Variants in COXFA4 observed in about 807,000 individuals in gnomAD.
The protein encoded by COXFA4 is cytochrome c oxidase associated subunit FA4, also known as cytochrome c oxidase subunit FA4.
chr7:10,938,769 G>T, the COXFA4 span: 4 of 1,500,220 alleles, frequency 2.7e-6, no homozygotes, highest in South Asian at 4.5e-5. Context: ...AAACTGCCTT[G>T]ATCAGCTATC....
At chr7:10,936,026 C>A in the COXFA4 span, among the ~76,000 whole-genome samples, 1 of 152,132 alleles carries the variant, frequency 6.6e-6, no homozygotes, top group Admixed American at 6.5e-5. Context: ...TCATAATTTC[C>A]CACAGCAAGT....
At chr7:10,936,923 C>T in the COXFA4 span, among the ~76,000 whole-genome samples, 1 of 152,078 alleles carries the variant, frequency 6.6e-6, no homozygotes, top group East Asian at 1.9e-4. Flanking sequence ...ATAGTTCCAG[C>T]TACTCAGGAG....
At chr7:10,932,164 C>T in the COXFA4 span, 3 of 149,268 alleles carry the variant, frequency 2.0e-5, no homozygotes, top group South Asian at 2.1e-4. Flanking sequence ...GGAAAGAGTG[C>T]TTTTTGTCTG....
At chr7:10,933,445 A>T in the COXFA4 span, 2 of 557,862 alleles carry the variant, frequency 3.6e-6, no homozygotes, top group African/African-American at 3.8e-5. Flanking sequence ...AGCATAAAAA[A>T]GTGACACATA....
At chr7:10,934,807 T>C in the COXFA4 span, among the ~76,000 whole-genome samples, 5 of 152,218 alleles carry the variant, frequency 3.3e-5, no homozygotes, top group Non-Finnish European at 5.9e-5. Context: ...CAGACTTTTA[T>C]GGACAGAAAA....
the COXFA4 span, among the ~76,000 whole-genome samples, chr7:10,934,179 T>G: frequency 6.6e-6 from 1 of 152,100 alleles, no homozygotes; most frequent in Non-Finnish European, 1.5e-5. Flanking sequence ...CTGCTTTGTT[T>G]TGTGGTTTAC....
chr7:10,937,879 T>C, the COXFA4 span: 1 of 575,322 alleles, frequency 1.7e-6, no homozygotes, highest in Non-Finnish European at 3.1e-6. Flanking sequence ...ATACTATTTT[T>C]CCTTCTTTTC....
the COXFA4 span, chr7:10,932,220 G>A: frequency 6.6e-6 from 1 of 152,110 alleles, no homozygotes. Flanking sequence ...AAAGCGCATG[G>A]GATGGTCTGC....
the COXFA4 span, chr7:10,938,571 A>G: frequency 6.4e-6 from 3 of 471,258 alleles, no homozygotes; most frequent in East Asian, 7.2e-5. Context: ...TCAAAACATT[A>G]CAAGATTTGG....
the COXFA4 span, chr7:10,932,574 G>A: frequency 6.6e-6 from 1 of 152,158 alleles, no homozygotes; most frequent in Non-Finnish European, 1.5e-5. Context: ...TAATGTCACT[G>A]AATTCCTCAA....
At chr7:10,936,387 C>T in the COXFA4 span, among the ~76,000 whole-genome samples, 1 of 152,196 alleles carries the variant, frequency 6.6e-6, no homozygotes, top group Non-Finnish European at 1.5e-5. Context: ...ATCTGTTACA[C>T]TTTTTGAACT....
At chr7:10,939,975 A>AAAG in the COXFA4 span, 3 of 1,611,614 alleles carry the variant, frequency 1.9e-6, no homozygotes, top group Non-Finnish European at 2.5e-6. Context: ...CCGACGCAAG[A>AAAG]AGGACAAGGG....
the COXFA4 span, chr7:10,932,738 G>A: frequency 6.6e-6 from 1 of 152,170 alleles, no homozygotes; most frequent in Non-Finnish European, 1.5e-5. Flanking sequence ...GGGAGGCTGA[G>A]GAGAATGGAT....
At chr7:10,940,128 T>C in the COXFA4 span, 4 of 1,479,108 alleles carry the variant, frequency 2.7e-6, no homozygotes, top group Admixed American at 1.7e-5. Flanking sequence ...CTAAAAATTA[T>C]CTGCAATGAG....
chr7:10,933,566 T>G, the COXFA4 span: 12 of 1,211,912 alleles, frequency 9.9e-6, no homozygotes, highest in African/African-American at 3.0e-5. Flanking sequence ...CCTGGTTAAG[T>G]GGAAAATTGT....
chr7:10,938,368 T>C, the COXFA4 span: 5 of 529,146 alleles, frequency 9.4e-6, no homozygotes, highest in African/African-American at 1.9e-5. Context: ...AAGATACTTT[T>C]TATCTGGCTT....
the COXFA4 span, among the ~76,000 whole-genome samples, chr7:10,936,391 T>C: frequency 6.6e-6 from 1 of 152,238 alleles, no homozygotes; most frequent in Non-Finnish European, 1.5e-5. Context: ...GTTACACTTT[T>C]TGAACTACAC....
At chr7:10,933,624 G>A in the COXFA4 span, 4 of 1,604,392 alleles carry the variant, frequency 2.5e-6, no homozygotes, top group Non-Finnish European at 3.4e-6. Context: ...GCGTTATAGT[G>A]AAACATTTCA....
chr7:10,934,394 A>C, the COXFA4 span, among the ~76,000 whole-genome samples: 5 of 149,058 alleles, frequency 3.4e-5, no homozygotes, highest in African/African-American at 4.9e-5. Flanking sequence ...AAAAAAAAAA[A>C]CTCCCTCTCT....
Sources: gnomAD v4.1 joint callset for allele counts (sites outside exome capture counted in the v4.1 genomes callset) on GRCh38, gnomAD v4.1.1 for gene constraint, MANE v1.5 for transcripts, NCBI Gene and HGNC (gene_info 2026-07-23, HGNC 2026-07-21) for gene names.